The following ZZZ3 variants were observed in gnomAD, a reference collection of about 807,000 sequenced individuals.
ZZZ3 encodes ZZ-type zinc finger-containing protein 3.
Under a neutral mutation model 95.2 loss-of-function variants are expected in ZZZ3, and 22 were observed. The ratio of observed to expected loss-of-function variants is 0.23; its 90% confidence interval spans 0.17 to 0.33. The LOEUF (loss-of-function observed/expected upper bound fraction) is 0.33. ZZZ3 is among the 10% of genes least tolerant of loss of function. The probability of loss-of-function intolerance (pLI) is 1.00; values close to 1 mark genes in which losing one functional copy is unlikely to be tolerated. For missense variants in ZZZ3, 885 were observed against 1,066.5 expected (o/e 0.83, Z 2.37); for synonymous variants, 335 against 358.9 (o/e 0.93, Z 0.75).
At position 77,578,860 on chromosome 1, in the gene ZZZ3, G is replaced by T. The variant is rs1205852818; in HGVS notation, c.2092C>A (p.Arg698=). 2 of 1,557,404 alleles carry T rather than the reference G, an allele frequency of 1.3e-6. No individual in the cohort carries two copies. The highest frequency in any genetic ancestry group is 2.5e-5 in the South Asian group (2 of 80,984). ...GNRTAKQVAS[R]VQKYFIKLTK... is the part of the protein sequence containing the mutation. The stretch of plus-strand genomic sequence containing the variant: ...AGCTTTATGAAATACTTCTGTACTC[G>T]GCTGGCAACCTAAGGAAACATGACA... The change falls in exon 11 of 15, where the codon CGA becomes AGA. Residue 698 remains arginine, a synonymous_variant. Transcript: ENST00000370801.
intron 5 of ZZZ3, among the ~76,000 whole-genome samples, chr1:77,586,491 T>G (rs1332448740): frequency 6.6e-6 from 1 of 152,204 alleles, no homozygotes; most frequent in Non-Finnish European, 1.5e-5. Flanking sequence ...GTCTTTTTGT[T>G]AGGTTTGGAG....
intron 5 of ZZZ3, among the ~76,000 whole-genome samples, chr1:77,595,319 A>G (rs1664118918): frequency 1.3e-5 from 2 of 152,118 alleles, no homozygotes; most frequent in Admixed American, 6.5e-5. Flanking sequence ...GCCATGATGA[A>G]TGCATAAGCA....
intron 1 of ZZZ3, among the ~76,000 whole-genome samples, chr1:77,647,710 G>C (rs1465051416): frequency 2.6e-5 from 4 of 152,144 alleles, no homozygotes; most frequent in African/African-American, 9.7e-5. Flanking sequence ...CAAACTTCCT[G>C]ATATTTTAAC....
intron 1 of ZZZ3, among the ~76,000 whole-genome samples, chr1:77,643,142 C>A (rs1399700300): frequency 6.6e-6 from 1 of 151,264 alleles, no homozygotes; most frequent in African/African-American, 2.4e-5. Context: ...GACCTGATTG[C>A]ATCACTGCAT....
At chr1:77,671,544 TC>T (rs1289890692) in intron 1 of ZZZ3, among the ~76,000 whole-genome samples, 1 of 152,062 alleles carries the variant, frequency 6.6e-6, no homozygotes, top group African/African-American at 2.4e-5. Flanking sequence ...TCCCAAACCC[TC>T]CATTTAGCAC....
chr1:77,575,162 C>T (rs563253404), intron 12 of ZZZ3, among the ~76,000 whole-genome samples: 15 of 151,522 alleles, frequency 9.9e-5, no homozygotes, highest in African/African-American at 3.6e-4. Flanking sequence ...CCTGCCTGGG[C>T]GACAGAGCGA....
intron 5 of ZZZ3, among the ~76,000 whole-genome samples, chr1:77,613,858 T>G (rs1666053458): frequency 6.6e-6 from 1 of 152,164 alleles, no homozygotes; most frequent in Non-Finnish European, 1.5e-5. Context: ...GCATAGTCTA[T>G]AATACATTTT....
chr1:77,653,695 G>A (rs1670013905), intron 1 of ZZZ3, among the ~76,000 whole-genome samples: 1 of 152,140 alleles, frequency 6.6e-6, no homozygotes, highest in Admixed American at 6.5e-5. Flanking sequence ...GGAGGTTGCG[G>A]TGAGCCTAGA....
intron 5 of ZZZ3, among the ~76,000 whole-genome samples, chr1:77,626,258 CCA>C (rs142708824): frequency 0.012 from 1,876 of 152,262 alleles, 33 homozygotes; most frequent in African/African-American, 0.044. Flanking sequence ...ACAATTTTTT[CCA>C]CAGACTGGGT....
At chr1:77,619,070 C>G (rs1666605277) in intron 5 of ZZZ3, among the ~76,000 whole-genome samples, 1 of 152,068 alleles carries the variant, frequency 6.6e-6, no homozygotes, top group Non-Finnish European at 1.5e-5. Flanking sequence ...CCCTGACAAC[C>G]AGTCAGATCA....
intron 1 of ZZZ3, among the ~76,000 whole-genome samples, chr1:77,671,553 C>G (rs964492006): frequency 6.6e-6 from 1 of 152,158 alleles, no homozygotes; most frequent in Non-Finnish European, 1.5e-5. Flanking sequence ...CTCCATTTAG[C>G]ACCTGTGTGA....
At chr1:77,683,034 GC>G (rs1211225062), upstream of ZZZ3, among the ~76,000 whole-genome samples, 6 of 56,902 alleles carry the variant, frequency 1.1e-4, no homozygotes, top group Non-Finnish European at 1.6e-4. Context: ...AGCCCTCCCC[GC>G]CCCCCCTTTC....
At chr1:77,600,499 G>A (rs1462809139) in intron 5 of ZZZ3, among the ~76,000 whole-genome samples, 4 of 152,094 alleles carry the variant, frequency 2.6e-5, no homozygotes, top group African/African-American at 4.8e-5. Flanking sequence ...AATAAAATAC[G>A]AGGTGTTAAG....
chr1:77,656,215 A>G (rs1160465738), intron 1 of ZZZ3, among the ~76,000 whole-genome samples: 2 of 152,218 alleles, frequency 1.3e-5, no homozygotes, highest in Non-Finnish European at 2.9e-5. Context: ...AAAAAATTTT[A>G]ATTCTTGGCT....
At chr1:77,627,390 A>AT (rs1055447447) in intron 5 of ZZZ3, among the ~76,000 whole-genome samples, 3 of 152,132 alleles carry the variant, frequency 2.0e-5, no homozygotes, top group African/African-American at 4.8e-5. Context: ...TCCTCTAGTG[A>AT]TTTTTAAGCA....
At chr1:77,613,673 A>G (rs899581066) in intron 5 of ZZZ3, among the ~76,000 whole-genome samples, 5 of 152,058 alleles carry the variant, frequency 3.3e-5, no homozygotes, top group African/African-American at 1.2e-4. Context: ...TTAGAATAAA[A>G]TAAAGACATC....
chr1:77,655,168 A>C (rs1310851534), intron 1 of ZZZ3, among the ~76,000 whole-genome samples: 9 of 152,124 alleles, frequency 5.9e-5, no homozygotes, highest in Middle Eastern at 3.2e-3. Flanking sequence ...TTAATCCATT[A>C]ACCAATTAAC....
chr1:77,609,455 C>T (rs1395370356), intron 5 of ZZZ3, among the ~76,000 whole-genome samples: 1 of 151,960 alleles, frequency 6.6e-6, no homozygotes, highest in Non-Finnish European at 1.5e-5. Flanking sequence ...ATTTCAACAC[C>T]CCACTTTCAG....
At chr1:77,604,408 T>C (rs764130976) in intron 5 of ZZZ3, among the ~76,000 whole-genome samples, 18 of 152,244 alleles carry the variant, frequency 1.2e-4, no homozygotes, top group Non-Finnish European at 2.4e-4. Context: ...AATGAAAGAA[T>C]GAAATAACTC....
Sources: gnomAD v4.1 joint callset for allele counts (sites outside exome capture counted in the v4.1 genomes callset) on GRCh38, gnomAD v4.1.1 for gene constraint, MANE v1.5 for transcripts, NCBI Gene and HGNC (gene_info 2026-07-23, HGNC 2026-07-21) for gene names.